FRMD4A: variants seen among roughly 807,000 people sequenced by gnomAD.
FRMD4A encodes FERM domain containing 4A.
Under a neutral mutation model 129.1 loss-of-function variants are expected in FRMD4A, and 29 were observed. The ratio of observed to expected loss-of-function variants is 0.22; its 90% CI spans 0.17 to 0.31. FRMD4A has a LOEUF of 0.31. FRMD4A is among the 10% of genes least tolerant of loss of function. The pLI is 1.00. For missense variants in FRMD4A, 1,272 were observed against 1,375.8 expected (o/e 0.92, Z 1.19); for synonymous variants, 634 against 571.6 (o/e 1.11, Z -1.56).
At chr10:14,157,067 C>T (rs898140558) in intron 2 of FRMD4A, among the ~76,000 whole-genome samples, 2 of 152,222 alleles carry the variant, frequency 1.3e-5, no homozygotes, top group Non-Finnish European at 1.5e-5. Flanking sequence ...CCCACAGAGC[C>T]TGGGGGTTCA....
intron 2 of FRMD4A, among the ~76,000 whole-genome samples, chr10:14,001,935 A>G (rs1014098593): frequency 6.6e-6 from 1 of 152,210 alleles, no homozygotes; most frequent in Non-Finnish European, 1.5e-5. Context: ...GCATGAATAC[A>G]TTCAGAATGT....
chr10:14,055,462 AACACACACACAC>A (rs71388155), intron 2 of FRMD4A, among the ~76,000 whole-genome samples: 302 of 77,488 alleles, frequency 3.9e-3, no homozygotes, highest in African/African-American at 0.015. Flanking sequence ...CACACACACA[AACACACACACAC>A]ACACACACAC....
chr10:14,021,950 G>GTT (rs113180850), intron 2 of FRMD4A, among the ~76,000 whole-genome samples: 2,175 of 149,904 alleles, frequency 0.015, 36 homozygotes, highest in East Asian at 0.082. Flanking sequence ...AGATTTCTGC[G>GTT]TTTTTTTTTG....
At chr10:13,791,973 G>A (rs542482122) in intron 5 of FRMD4A, among the ~76,000 whole-genome samples, 42 of 152,348 alleles carry the variant, frequency 2.8e-4, no homozygotes, top group Non-Finnish European at 3.5e-4. Flanking sequence ...GAGACCAACA[G>A]CAGATGTCTG....
intron 3 of FRMD4A, among the ~76,000 whole-genome samples, chr10:13,830,946 G>T (rs974299261): frequency 2.8e-4 from 42 of 152,186 alleles, no homozygotes; most frequent in African/African-American, 8.7e-4. Flanking sequence ...CCCACCACCA[G>T]GCCTGGCTAA....
At chr10:13,972,892 G>T (rs568932925) in intron 2 of FRMD4A, among the ~76,000 whole-genome samples, 14 of 152,314 alleles carry the variant, frequency 9.2e-5, no homozygotes, top group Admixed American at 7.2e-4. Flanking sequence ...CATAAGGCAT[G>T]TTTGCCTTCT....
At chr10:13,808,360 A>T (rs1242660874) in intron 4 of FRMD4A, among the ~76,000 whole-genome samples, 1 of 152,242 alleles carries the variant, frequency 6.6e-6, no homozygotes, top group Admixed American at 6.5e-5. Flanking sequence ...CAGAATTAGA[A>T]AACACGGTTA....
At chr10:13,919,940 A>G (rs2095053132) in intron 2 of FRMD4A, among the ~76,000 whole-genome samples, 1 of 152,180 alleles carries the variant, frequency 6.6e-6, no homozygotes, top group South Asian at 2.1e-4. Context: ...CCTGTCTCAA[A>G]AAACAAACAA....
chr10:14,151,391 A>C (rs1465921898), intron 2 of FRMD4A, among the ~76,000 whole-genome samples: 1 of 152,234 alleles, frequency 6.6e-6, no homozygotes, highest in Non-Finnish European at 1.5e-5. Context: ...CATTATCTTA[A>C]GTGAACTAAC....
At chr10:13,736,070 T>G (rs187147447) in intron 12 of FRMD4A, among the ~76,000 whole-genome samples, 1 of 152,276 alleles carries the variant, frequency 6.6e-6, no homozygotes, top group African/African-American at 2.4e-5. Context: ...GAGAATCGCT[T>G]GAACCTGGGA....
intron 2 of FRMD4A, among the ~76,000 whole-genome samples, chr10:13,967,310 C>G (rs2095491529): frequency 6.6e-6 from 1 of 151,954 alleles, no homozygotes; most frequent in African/African-American, 2.4e-5. Context: ...GCACTCCAGC[C>G]TGGGCGACAG....
intron 2 of FRMD4A, among the ~76,000 whole-genome samples, chr10:13,917,610 A>G (rs1016924282): frequency 6.6e-6 from 1 of 152,124 alleles, no homozygotes; most frequent in Admixed American, 6.6e-5. Flanking sequence ...ATTTAATAAT[A>G]TACACACACT....
At chr10:13,660,944 G>A (rs2082594425) in intron 19 of FRMD4A, among the ~76,000 whole-genome samples, 1 of 152,092 alleles carries the variant, frequency 6.6e-6, no homozygotes, top group South Asian at 2.1e-4. Context: ...ACTGTGGGAG[G>A]GTCTGAGTTC....
chr10:13,797,145 G>A (rs1588771299), intron 4 of FRMD4A, among the ~76,000 whole-genome samples: 2 of 152,166 alleles, frequency 1.3e-5, no homozygotes. Flanking sequence ...TGAAGGGATT[G>A]AGACCTGCTG....
At chr10:14,328,281 G>C (rs1050845796) in intron 2 of FRMD4A, among the ~76,000 whole-genome samples, 1 of 149,106 alleles carries the variant, frequency 6.7e-6, no homozygotes, top group Non-Finnish European at 1.5e-5. Flanking sequence ...ACAAATGGAA[G>C]GTGAAGTCTG....
At position 14,205,902 on chromosome 10, in the gene FRMD4A, T is replaced by C. The variant is rs185714267; in HGVS notation, c.45+124156A>G. On this transcript the variant is annotated intron_variant, in intron 2 of 24. Transcript: ENST00000357447. ...GGATGTAAAAGGAGACTTACCTGCC[T>C]ACTCTTTAAAGTAGCCTCTCAAGGT... Among the ~76,000 whole-genome samples, 1,186 of 151,630 alleles carry C rather than the reference T, an allele frequency of 7.8e-3. 5 individuals are homozygous for C. Among genetic ancestry groups the C allele is most frequent in the Non-Finnish European group, 0.013 (858 of 67,872 alleles).
chr10:14,152,345 G>T (rs561318665), intron 2 of FRMD4A, among the ~76,000 whole-genome samples: 3 of 151,752 alleles, frequency 2.0e-5, no homozygotes, highest in Non-Finnish European at 4.4e-5. Context: ...AGCCAGAATG[G>T]TCTCGATCTC....
intron 2 of FRMD4A, among the ~76,000 whole-genome samples, chr10:14,033,836 AAAG>A (rs1259113237): frequency 2.0e-5 from 3 of 151,952 alleles, no homozygotes; most frequent in Non-Finnish European, 4.4e-5. Flanking sequence ...AAAAAAAAGA[AAAG>A]AAAAGAAAAA....
At chr10:13,712,661 T>C (rs2088144050) in intron 12 of FRMD4A, among the ~76,000 whole-genome samples, 1 of 152,188 alleles carries the variant, frequency 6.6e-6, no homozygotes. Context: ...GGATGTGGAT[T>C]CTTAGTTTCT....
Sources: gnomAD v4.1 joint callset for allele counts (sites outside exome capture counted in the v4.1 genomes callset) on GRCh38, gnomAD v4.1.1 for gene constraint, MANE v1.5 for transcripts, NCBI Gene and HGNC (gene_info 2026-07-23, HGNC 2026-07-21) for gene names.